LSAMP: variants seen among roughly 807,000 people sequenced by gnomAD.
LSAMP encodes the protein limbic system-associated membrane protein.
Under a neutral mutation model 38.6 loss-of-function variants are expected in LSAMP, and 7 were observed. The ratio of observed to expected loss-of-function variants is 0.18; its 90% confidence interval spans 0.10 to 0.34. LSAMP has a LOEUF of 0.34. LSAMP is among the 10% of genes least tolerant of loss of function. LSAMP has a pLI of 1.00. For synonymous variants in LSAMP, 154 were observed against 166.8 expected, an observed-to-expected ratio of 0.92 and a Z score of 0.59; for missense variants, 313 against 420.0, an observed-to-expected ratio of 0.75 and a Z score of 2.23.
At position 115,804,946 on chromosome 3, in the gene LSAMP, A is replaced by AT. The variant is rs1933597924; in HGVS notation, c.*5370dup. The AT allele has an allele frequency of 6.6e-6, 1 of 152,166 alleles. No individual in the cohort carries two copies. The highest frequency in any genetic ancestry group is 2.4e-5 in the African/African-American group (1 of 41,452). The allele number at this position is 152,166 out of a possible 1,614,324, so 9.4% of individuals were successfully genotyped here. A position where few individuals can be genotyped will look rare whatever the true frequency, so the allele number is the denominator to read the frequency against. On this transcript the variant is annotated 3_prime_UTR_variant, in exon 7 of 7. Transcript: ENST00000490035. Reference sequence around the variant, plus strand: ...GCAAGATATTTCTCGAGGATATAACATTTTTTATATTGCACAATTTCTTAG... The same window carrying AT: ...GCAAGATATTTCTCGAGGATATAACATTTTTTTATATTGCACAATTTCTTAG...
intron 1 of LSAMP, among the ~76,000 whole-genome samples, chr3:116,351,160 A>C (rs952684956): frequency 6.6e-6 from 1 of 151,940 alleles, no homozygotes; most frequent in African/African-American, 2.4e-5. Flanking sequence ...AAGGATTCAA[A>C]AGTTCGGATT....
intron 3 of LSAMP, among the ~76,000 whole-genome samples, chr3:115,984,298 G>A (rs149991859): frequency 1.6e-4 from 24 of 152,170 alleles, no homozygotes; most frequent in Middle Eastern, 3.4e-3. Context: ...TATTAAAATC[G>A]TTTATTTTGG....
chr3:115,983,533 A>G (rs1352589969), intron 3 of LSAMP, among the ~76,000 whole-genome samples: 1 of 152,100 alleles, frequency 6.6e-6, no homozygotes, highest in Non-Finnish European at 1.5e-5. Context: ...AATAAAAATA[A>G]TAGTAATAAT....
chr3:116,365,686 A>T, intron 1 of LSAMP, among the ~76,000 whole-genome samples: 1 of 82,254 alleles, frequency 1.2e-5, no homozygotes, highest in South Asian at 4.3e-4. Context: ...TGCAGCCATA[A>T]AAAATGATGA....
At chr3:115,871,635 G>C (rs1486084775) in intron 3 of LSAMP, among the ~76,000 whole-genome samples, 2 of 139,782 alleles carry the variant, frequency 1.4e-5, no homozygotes, top group South Asian at 2.2e-4. Flanking sequence ...GACAGACAGA[G>C]AGACAAAGAG....
At chr3:116,110,471 G>A (rs1242576247) in intron 1 of LSAMP, among the ~76,000 whole-genome samples, 4 of 152,194 alleles carry the variant, frequency 2.6e-5, no homozygotes, top group Admixed American at 2.6e-4. Flanking sequence ...TTCCCAGTCT[G>A]TGACCGGCGC....
At chr3:116,421,492 T>C (rs2864815) in intron 1 of LSAMP, among the ~76,000 whole-genome samples, 129,222 of 150,882 alleles carry the variant, frequency 0.86, 55,519 homozygotes, top group Middle Eastern at 0.98. Flanking sequence ...TGCAGTGAAC[T>C]GAGATCGTGC....
intron 1 of LSAMP, among the ~76,000 whole-genome samples, chr3:116,185,010 T>TTTTC (rs200486380): frequency 1.2e-4 from 17 of 147,310 alleles, no homozygotes; most frequent in South Asian, 2.1e-4. Flanking sequence ...ACTGCAGATT[T>TTTTC]TTTCTTTCTT....
At chr3:115,964,299 G>A (rs182680353) in intron 3 of LSAMP, among the ~76,000 whole-genome samples, 3 of 152,266 alleles carry the variant, frequency 2.0e-5, no homozygotes, top group Admixed American at 2.0e-4. Context: ...ACTAGAGTAA[G>A]CTTTGGGCAT....
intron 1 of LSAMP, among the ~76,000 whole-genome samples, chr3:116,153,334 A>AG (rs1277816171): frequency 2.6e-5 from 4 of 152,132 alleles, no homozygotes; most frequent in Non-Finnish European, 5.9e-5. Context: ...AGCTGACTGT[A>AG]GGAAAATGAA....
intron 3 of LSAMP, among the ~76,000 whole-genome samples, chr3:115,918,104 G>C (rs1050453262): frequency 3.9e-5 from 6 of 152,244 alleles, no homozygotes; most frequent in African/African-American, 1.4e-4. Flanking sequence ...CTGGCCCTCT[G>C]ATCCTTCAGG....
At chr3:116,164,374 T>C (rs1178503823) in intron 1 of LSAMP, among the ~76,000 whole-genome samples, 2 of 151,302 alleles carry the variant, frequency 1.3e-5, no homozygotes, top group African/African-American at 2.4e-5. Context: ...TTGTGCCAAA[T>C]ACTAAATAAA....
chr3:115,854,372 T>C (rs974912055), intron 3 of LSAMP, among the ~76,000 whole-genome samples: 21 of 146,548 alleles, frequency 1.4e-4, no homozygotes, highest in African/African-American at 5.0e-4. Flanking sequence ...AAGCTCCGCC[T>C]CCCAGGTTCA....
At chr3:116,420,802 G>A (rs184403724) in intron 1 of LSAMP, among the ~76,000 whole-genome samples, 59 of 152,072 alleles carry the variant, frequency 3.9e-4, no homozygotes, top group African/African-American at 1.2e-3. Flanking sequence ...ACTTGAACCC[G>A]GGAGGCAGAG....
At chr3:116,023,317 A>ATTTTTAAT (rs1940689760) in intron 2 of LSAMP, among the ~76,000 whole-genome samples, 1 of 151,974 alleles carries the variant, frequency 6.6e-6, no homozygotes. Context: ...GGTTTCGGCC[A>ATTTTTAAT]GGTACGGTGG....
At chr3:116,024,040 C>T (rs1484755479) in intron 2 of LSAMP, among the ~76,000 whole-genome samples, 1 of 152,142 alleles carries the variant, frequency 6.6e-6, no homozygotes, top group African/African-American at 2.4e-5. Context: ...CTGTCATTCC[C>T]CACCCTGCCT....
At chr3:115,838,262 C>A (rs1181923342) in intron 6 of LSAMP, 2 of 152,246 alleles carry the variant, frequency 1.3e-5, no homozygotes, top group Non-Finnish European at 2.9e-5. Context: ...AAGTGACAAC[C>A]TTTAAATTAT....
intron 3 of LSAMP, among the ~76,000 whole-genome samples, chr3:115,953,145 G>A (rs980034491): frequency 3.3e-5 from 5 of 152,140 alleles, no homozygotes; most frequent in South Asian, 2.1e-4. Flanking sequence ...TATCTCCTTC[G>A]TGTTTGCATC....
chr3:116,334,777 C>T (rs541494078), intron 1 of LSAMP, among the ~76,000 whole-genome samples: 3 of 152,156 alleles, frequency 2.0e-5, no homozygotes, highest in East Asian at 1.9e-4. Flanking sequence ...AAACACACAG[C>T]AAACATTATC....
Sources: gnomAD v4.1 joint callset for allele counts (sites outside exome capture counted in the v4.1 genomes callset) on GRCh38, gnomAD v4.1.1 for gene constraint, MANE v1.5 for transcripts, NCBI Gene and HGNC (gene_info 2026-07-23, HGNC 2026-07-21) for gene names.